Variants in GLDC observed in about 807,000 individuals in gnomAD.
GLDC encodes the protein glycine dehydrogenase (decarboxylating), mitochondrial.
A neutral mutation model predicts 121.3 loss-of-function variants in GLDC; 104 were observed. That is an observed-to-expected ratio of 0.86 (90% confidence interval 0.73 to 1.01). The LOEUF (loss-of-function observed/expected upper bound fraction) is 1.01. GLDC is among the 50% of genes least tolerant of loss of function. The pLI, the probability that GLDC is intolerant of heterozygous loss-of-function variation, is 0.00. For synonymous variants in GLDC, 546 were observed against 480.6 expected (o/e 1.14, Z -1.78); for missense variants, 1,429 against 1,306.6 (o/e 1.09, Z -1.44).
chr9:6,564,729 T>TG (rs897273712), intron 16 of GLDC, among the ~76,000 whole-genome samples: 1 of 152,170 alleles, frequency 6.6e-6, no homozygotes, highest in African/African-American at 2.4e-5. Context: ...GCACTGCCCC[T>TG]GGGGGGAGCG....
intron 15 of GLDC, among the ~76,000 whole-genome samples, chr9:6,572,616 T>C (rs1422664246): frequency 1.3e-5 from 2 of 152,172 alleles, no homozygotes; most frequent in Admixed American, 6.5e-5. Flanking sequence ...ACATTATGAA[T>C]CTGGATGGAC....
chr9:6,611,317 G>A (rs1274013876), intron 3 of GLDC, among the ~76,000 whole-genome samples: 2 of 152,172 alleles, frequency 1.3e-5, no homozygotes, highest in Non-Finnish European at 2.9e-5. Context: ...ATTTTACTTG[G>A]GAGGTCAAGG....
chr9:6,584,107 T>C (rs191409511), intron 15 of GLDC, among the ~76,000 whole-genome samples: 110 of 152,350 alleles, frequency 7.2e-4, no homozygotes, highest in African/African-American at 2.6e-3. Context: ...AAAATTATGC[T>C]ATGGTTATAT....
At chr9:6,539,776 C>G (rs1287152693) in intron 22 of GLDC, among the ~76,000 whole-genome samples, 2 of 152,222 alleles carry the variant, frequency 1.3e-5, no homozygotes, top group Non-Finnish European at 2.9e-5. Context: ...TACCACTACA[C>G]TCACTGCAAC....
intron 14 of GLDC, among the ~76,000 whole-genome samples, chr9:6,587,811 A>C (rs1264184414): frequency 2.0e-5 from 3 of 152,188 alleles, no homozygotes; most frequent in Admixed American, 2.0e-4. Context: ...TTTTTAAAAA[A>C]ATAGAGAGGG....
chr9:6,566,673 C>A (rs1472586478), intron 15 of GLDC, among the ~76,000 whole-genome samples: 1 of 151,968 alleles, frequency 6.6e-6, no homozygotes, highest in Non-Finnish European at 1.5e-5. Context: ...GTACCCTGTG[C>A]AGGAAGGGAA....
At chr9:6,642,700 C>G (rs1489704541) in intron 2 of GLDC, among the ~76,000 whole-genome samples, 1 of 152,064 alleles carries the variant, frequency 6.6e-6, no homozygotes, top group South Asian at 2.1e-4. Flanking sequence ...GTTTCCCAGG[C>G]TCTAATGCTC....
chr9:6,584,104 T>C (rs1016872656), intron 15 of GLDC, among the ~76,000 whole-genome samples: 32 of 152,364 alleles, frequency 2.1e-4, no homozygotes, highest in African/African-American at 7.7e-4. Context: ...CTAAAAATTA[T>C]GCTATGGTTA....
At chr9:6,551,965 G>A (rs944225586) in intron 20 of GLDC, among the ~76,000 whole-genome samples, 2 of 152,228 alleles carry the variant, frequency 1.3e-5, no homozygotes, top group Non-Finnish European at 2.9e-5. Context: ...CATGTGCTCA[G>A]TTTGGTTCTC....
At chr9:6,594,841 G>A (rs561483780) in intron 9 of GLDC, among the ~76,000 whole-genome samples, 173 bp downstream of exon 9, 2 of 151,336 alleles carry the variant, frequency 1.3e-5, no homozygotes, top group Non-Finnish European at 1.5e-5. Flanking sequence ...GAAAAAGAAA[G>A]AGAAAGAAAG....
In GLDC at chr9:6,604,579, C is replaced by A; in HGVS notation, c.1058+9G>T. 1 of 1,604,976 alleles carries A rather than the reference C, an allele frequency of 6.2e-7. No individual in the cohort carries two copies. The highest frequency in any genetic ancestry group is 8.5e-7 in the Non-Finnish European group (1 of 1,173,472). ...CACAATAAAAGTAGAGAAACATGAG[C>A]CCCTTTACCTTGTTACCCCCACCAT... On this transcript the variant is annotated intron_variant, in intron 7 of 24. Transcript: ENST00000321612.
chr9:6,595,182 A>G, intron 8 of GLDC, 63 bp from the exon 9 acceptor site: 1 of 1,077,826 alleles, frequency 9.3e-7, no homozygotes, highest in East Asian at 2.4e-5. Context: ...GGGTGTAATT[A>G]CTTGACTTGG....
At chr9:6,546,337 T>C (rs1817388225) in intron 21 of GLDC, among the ~76,000 whole-genome samples, 1 of 151,240 alleles carries the variant, frequency 6.6e-6, no homozygotes. Flanking sequence ...GGACTACAGG[T>C]GTGCACCACC....
chr9:6,632,252 C>T (rs1819399465), intron 2 of GLDC, among the ~76,000 whole-genome samples: 1 of 152,208 alleles, frequency 6.6e-6, no homozygotes, highest in Non-Finnish European at 1.5e-5. Flanking sequence ...TGAATCAATG[C>T]ATAAATTGTT....
At position 6,533,061 on chromosome 9, in the gene GLDC, C is replaced by T. The variant is rs112299567; in HGVS notation, c.3019G>A (p.Val1007Ile). 7 of 1,612,278 alleles carry T rather than the reference C, an allele frequency of 4.3e-6. No individual in the cohort carries two copies. Among genetic ancestry groups the T allele is most frequent in the African/African-American group, 4.0e-5 (3 of 75,008 alleles). The change falls in exon 25 of 25, where the codon GTT becomes ATT. Residue 1007 changes from valine to isoleucine, a missense_variant. Physicochemically the swap from Val to Ile is conservative, Grantham distance 29. Coordinates refer to ENST00000321612, the MANE Select transcript of GLDC (RefSeq NM_000170.3). ...TGTTCAGAAAATGGAGACTCATAAA[C>T]TTCCATGGGTGGGCAGGTACAAACC... ...HLVCTCPPMEVYESPFSEQKR... is the reference protein window; with the variant it reads ...HLVCTCPPMEIYESPFSEQKR...
At chr9:6,644,847 T>C (rs770842881) in intron 1 of GLDC, 155 bp from the exon 2 acceptor site, 3 of 673,994 alleles carry the variant, frequency 4.5e-6, no homozygotes, top group Non-Finnish European at 7.9e-6. Context: ...GCCAGAATGA[T>C]TTGGAGGAAA....
chr9:6,547,338 G>A (rs944249047), intron 21 of GLDC, among the ~76,000 whole-genome samples: 1 of 152,150 alleles, frequency 6.6e-6, no homozygotes, highest in African/African-American at 2.4e-5. Flanking sequence ...AGTTACCCTG[G>A]ATGGACAAGG....
At chr9:6,629,954 T>C (rs1272765359) in intron 2 of GLDC, among the ~76,000 whole-genome samples, 2 of 87,114 alleles carry the variant, frequency 2.3e-5, no homozygotes, top group Non-Finnish European at 4.4e-5. Flanking sequence ...TGTATATATA[T>C]ATATTTTTTT....
chr9:6,632,198 C>T (rs1225573476), intron 2 of GLDC, among the ~76,000 whole-genome samples: 3 of 152,158 alleles, frequency 2.0e-5, no homozygotes, highest in African/African-American at 4.8e-5. Flanking sequence ...TAAACTTTCA[C>T]GTATGGCTAG....
Sources: allele counts gnomAD v4.1 joint callset (sites outside exome capture counted in the v4.1 genomes callset), GRCh38; gene constraint gnomAD v4.1.1; transcripts MANE v1.5; gene names NCBI Gene and HGNC (gene_info 2026-07-23, HGNC 2026-07-21).